The following ZNF568 variants were observed in gnomAD, a reference collection of about 807,000 sequenced individuals.
ZNF568 encodes p53 inhibitor of SCO2 activation.
In ZNF568, 11 loss-of-function variants were observed where a neutral mutation model predicts 18.1. That is an observed-to-expected ratio of 0.61 (90% CI 0.38 to 1.00). The LOEUF is 1.00. Among genes scored for constraint, ZNF568 ranks in the 50% least tolerant of loss-of-function variants. The pLI, the probability that ZNF568 is intolerant of heterozygous loss-of-function variation, is 0.01. For synonymous variants in ZNF568, 213 were observed against 246.6 expected, an observed-to-expected ratio of 0.86 and a Z score of 1.28; for missense variants, 639 against 768.2, an observed-to-expected ratio of 0.83 and a Z score of 1.99.
rs771273549 is a variant in ZNF568 at position 36,950,284 on chromosome 19, T to TA, written c.1132dup (p.Thr378AsnfsTer14). On this transcript the variant is annotated frameshift_variant, in exon 7 of 7. Transcript: ENST00000333987. LOFTEE classifies it low-confidence loss of function (END_TRUNC). ...GAGCTTTTTCTCGAATGTCATCTGTTACGCTACATATGAGAAGTCACACAG... is the reference window on the plus strand; with the variant it reads ...GAGCTTTTTCTCGAATGTCATCTGTTAACGCTACATATGAGAAGTCACACAG... 3.7e-6 allele frequency: 6 copies of TA among 1,614,058 alleles called. No individual in the cohort carries two copies. In the East Asian group the frequency reaches 8.9e-5, roughly 24 times the overall value.
downstream of ZNF568, among the ~76,000 whole-genome samples, chr19:36,954,572 C>CT (rs11442560): frequency 0.22 from 32,097 of 142,962 alleles, 3,490 homozygotes; most frequent in South Asian, 0.29. Context: ...TATGTGTAAA[C>CT]TTTTTTTTTT....
intron 7 of ZNF568, among the ~76,000 whole-genome samples, chr19:36,974,871 G>A (rs2074268125): frequency 7.1e-6 from 1 of 141,322 alleles, no homozygotes; most frequent in Non-Finnish European, 1.5e-5. Flanking sequence ...CTGTTGCCCA[G>A]GCTGGAGTGC....
At chr19:36,969,520 A>G (rs2074220201) in intron 6 of ZNF568, among the ~76,000 whole-genome samples, 1 of 152,118 alleles carries the variant, frequency 6.6e-6, no homozygotes, top group Non-Finnish European at 1.5e-5. Context: ...AGAAGTGTGA[A>G]ATGAGTCCTG....
downstream of ZNF568, among the ~76,000 whole-genome samples, chr19:36,981,346 T>G (rs1484363501): frequency 6.6e-6 from 1 of 152,198 alleles, no homozygotes; most frequent in Non-Finnish European, 1.5e-5. Flanking sequence ...GGCTTATCAA[T>G]TTCTGTAGAA....
chr19:36,984,138 A>G (rs1417088901), downstream of ZNF568, among the ~76,000 whole-genome samples: 1 of 151,896 alleles, frequency 6.6e-6, no homozygotes, highest in African/African-American at 2.4e-5. Context: ...TGACCTCATG[A>G]TCCCCCCACC....
At chr19:36,971,794 C>T (rs930864186) in intron 6 of ZNF568, among the ~76,000 whole-genome samples, 6 of 151,568 alleles carry the variant, frequency 4.0e-5, no homozygotes, top group Non-Finnish European at 7.4e-5. Flanking sequence ...GCCTCGGCCT[C>T]CCAAAGTGCT....
At chr19:36,974,503 C>A (rs759544713) in intron 7 of ZNF568, 2 of 1,526,054 alleles carry the variant, frequency 1.3e-6, no homozygotes, top group African/African-American at 2.7e-5. Context: ...AAAGGACTTA[C>A]TGGTTTTCAG....
chr19:36,927,190 A>G (rs1172772994), intron 4 of ZNF568, among the ~76,000 whole-genome samples: 1 of 152,220 alleles, frequency 6.6e-6, no homozygotes, highest in Non-Finnish European at 1.5e-5. Context: ...ATGTATACAT[A>G]ATAGAATTCA....
At chr19:36,989,108 TCTTGG>T (rs1279113396) in intron 2 of ZNF568, among the ~76,000 whole-genome samples, 3 of 152,166 alleles carry the variant, frequency 2.0e-5, no homozygotes, top group Admixed American at 2.0e-4. Context: ...TCCTAAAACT[TCTTGG>T]CTTCCCCAGG....
At chr19:36,990,984 C>A (rs1056654577) in intron 2 of ZNF568, 1 of 548,532 alleles carries the variant, frequency 1.8e-6, no homozygotes, top group Non-Finnish European at 3.1e-6. Flanking sequence ...AGTAAGCATG[C>A]CCAAGAACCA....
chr19:36,991,322 A>G, intron 3 of ZNF568: 1 of 1,522,394 alleles, frequency 6.6e-7, no homozygotes, highest in African/African-American at 1.4e-5. Flanking sequence ...GCCCCTCCGT[A>G]CACCCCCTGC....
chr19:36,991,510 A>G (rs886505476), intron 3 of ZNF568: 2 of 672,608 alleles, frequency 3.0e-6, no homozygotes, highest in Non-Finnish European at 4.7e-6. Context: ...CATTATTTTC[A>G]TACCTCCCTT....
chr19:36,983,508 G>C (rs2074348891), downstream of ZNF568, among the ~76,000 whole-genome samples: 1 of 152,020 alleles, frequency 6.6e-6, no homozygotes, highest in Non-Finnish European at 1.5e-5. Flanking sequence ...TAAGGTCCAG[G>C]GTGGTCAGTT....
chr19:36,962,121 G>GTT (rs34079346), intron 6 of ZNF568, among the ~76,000 whole-genome samples: 33 of 141,498 alleles, frequency 2.3e-4, no homozygotes, highest in Admixed American at 2.8e-4. Context: ...GTTGTTTTAT[G>GTT]TTTTTTTTTT....
At chr19:36,943,941 G>A (rs146639916) in intron 6 of ZNF568, among the ~76,000 whole-genome samples, 12 of 152,134 alleles carry the variant, frequency 7.9e-5, no homozygotes, top group East Asian at 1.9e-4. Context: ...TAAGTTTCCC[G>A]CTCCAGACAT....
intron 7 of ZNF568, among the ~76,000 whole-genome samples, chr19:36,974,794 A>G (rs28655720): frequency 0.19 from 28,057 of 150,746 alleles, 2,688 homozygotes; most frequent in African/African-American, 0.24. Flanking sequence ...TGTCCCCTCC[A>G]TGATCATATG....
At chr19:36,987,215 G>A (rs1449200) in intron 2 of ZNF568, among the ~76,000 whole-genome samples, 81,098 of 151,968 alleles carry the variant, frequency 0.53, 22,167 homozygotes, top group African/African-American at 0.62. Flanking sequence ...CAGGCAGGAA[G>A]GCCATGGGTA....
chr19:36,978,497 T>G (rs536609925), intron 7 of ZNF568, among the ~76,000 whole-genome samples: 1 of 152,274 alleles, frequency 6.6e-6, no homozygotes, highest in African/African-American at 2.4e-5. Flanking sequence ...TTCAGTGTGT[T>G]TTCTGCTTGT....
intron 7 of ZNF568, among the ~76,000 whole-genome samples, chr19:36,976,812 A>G (rs987891447): frequency 6.6e-6 from 1 of 152,174 alleles, no homozygotes; most frequent in African/African-American, 2.4e-5. Context: ...CGGGAGGCTG[A>G]GGCAGGAGAA....
Sources: allele counts gnomAD v4.1 joint callset (sites outside exome capture counted in the v4.1 genomes callset), GRCh38; gene constraint gnomAD v4.1.1; transcripts MANE v1.5; gene names NCBI Gene and HGNC (gene_info 2026-07-23, HGNC 2026-07-21).